EXT2: variants seen among roughly 807,000 people sequenced by gnomAD.
EXT2 encodes the protein exostosin-2.
In EXT2, 53 loss-of-function variants were observed where a neutral mutation model predicts 81.6. The observed-to-expected ratio is 0.65, with a 90% CI of 0.52 to 0.82. The LOEUF (loss-of-function observed/expected upper bound fraction) is 0.82, where lower values mean the gene tolerates loss of function less well. EXT2 is among the 40% of genes least tolerant of loss of function. The pLI, the probability that EXT2 is intolerant of heterozygous loss-of-function variation, is 0.00. For missense variants in EXT2, 774 were observed against 910.2 expected (o/e 0.85, Z 1.93); for synonymous variants, 320 against 340.0 (o/e 0.94, Z 0.65).
In EXT2 at chr11:44,246,907, T is replaced by C. The variant is rs975887610; in HGVS notation, c.*2620T>C. On this transcript the variant is annotated 3_prime_UTR_variant, in exon 14 of 14. Coordinates refer to ENST00000533608, the MANE Select transcript of EXT2 (RefSeq NM_207122.2). Reference sequence around the variant, plus strand: ...GTTCTGGCCTACAGCAGACAACAGCTGGTTTTAGATTAAGAAATCTTTTTA... The same window carrying C: ...GTTCTGGCCTACAGCAGACAACAGCCGGTTTTAGATTAAGAAATCTTTTTA... 2.0e-5 allele frequency among the ~76,000 whole-genome samples: 3 copies of C among 152,228 alleles called. No individual in the cohort carries two copies. The highest frequency in any genetic ancestry group is 7.2e-5 in the African/African-American group (3 of 41,456).
chr11:44,211,281 T>C (rs528869349), intron 10 of EXT2, among the ~76,000 whole-genome samples: 1 of 152,326 alleles, frequency 6.6e-6, no homozygotes, highest in South Asian at 2.1e-4. Flanking sequence ...TGTGGGTATA[T>C]GTCCAAAGGA....
Position 44,236,255 on chromosome 11 carries a change from C to T in EXT2, c.1936-38C>T, listed in dbSNP as rs1375341366. ...ACAAGCATGATTTTATTGTCCTTGA[C>T]ACTGACAGCCAGGTATGTTTTTGTC... On this transcript the variant is annotated intron_variant, in intron 12 of 13. Coordinates refer to ENST00000533608, the MANE Select transcript of EXT2 (RefSeq NM_207122.2). 3 of 1,585,530 alleles carry T rather than the reference C, an allele frequency of 1.9e-6. No homozygotes were observed. In the Admixed American group the frequency reaches 5.0e-5, roughly 26 times the overall value.
In EXT2 at chr11:44,244,997, AACTCC is replaced by A. The variant is rs2135285838; in HGVS notation, c.*711_*715del. On this transcript the variant is annotated 3_prime_UTR_variant, in exon 14 of 14. Transcript: ENST00000533608. Reference sequence around the variant, plus strand: ...ACCACCTTTCTCCCTTGATATATTTAACTCCGTCTTTGGCCTGACAACAGTCTTCT... The same window carrying A: ...ACCACCTTTCTCCCTTGATATATTTAGTCTTTGGCCTGACAACAGTCTTCT... The A allele has an allele frequency of 4.3e-6, 1 of 232,410 alleles. No homozygotes were observed. Among genetic ancestry groups the A allele is most frequent in the East Asian group, 6.1e-5 (1 of 16,446 alleles). 14.4% of individuals were successfully genotyped at this position (232,410 alleles called of 1,614,324 possible).
At chr11:44,217,727 G>A (rs1955736870) in intron 10 of EXT2, among the ~76,000 whole-genome samples, 1 of 152,084 alleles carries the variant, frequency 6.6e-6, no homozygotes, top group Admixed American at 6.5e-5. Context: ...AGATCTGAGA[G>A]CTGGGAAATA....
At chr11:44,188,859 T>A (rs1211071558) in intron 8 of EXT2, among the ~76,000 whole-genome samples, 1 of 152,138 alleles carries the variant, frequency 6.6e-6, no homozygotes, top group Non-Finnish European at 1.5e-5. Context: ...AGGTGGGGAA[T>A]GGAAAGAAGC....
rs768874901 is a variant in EXT2 at position 44,124,918 on chromosome 11, G to C, written c.873G>C (p.Glu291Asp). 1 of 1,614,064 alleles carries C rather than the reference G, an allele frequency of 6.2e-7. No individual in the cohort carries two copies. Among genetic ancestry groups the C allele is most frequent in the Non-Finnish European group, 8.5e-7 (1 of 1,180,018 alleles). Residue 291 changes from glutamate (E) to aspartate (D), a missense_variant, in exon 5 of 14, where the codon GAG becomes GAC. Glu to Asp is a conservative substitution (Grantham distance 45). Around this residue, in one of 2 missense-constraint regions of EXT2, gnomAD observed 626 missense variants for 670.5 expected, o/e 0.93. Coordinates refer to ENST00000533608, the MANE Select transcript of EXT2 (RefSeq NM_207122.2). ...TCGATAAATGCACCAACCTCTCAGAGGGTGTCCTTTCTGTCCGTAAGCGCT... is the reference window on the plus strand; with the variant it reads ...TCGATAAATGCACCAACCTCTCAGACGGTGTCCTTTCTGTCCGTAAGCGCT... ...LVLDKCTNLSEGVLSVRKRCH... is the reference protein window; with the variant it reads ...LVLDKCTNLSDGVLSVRKRCH...
intron 8 of EXT2, among the ~76,000 whole-genome samples, chr11:44,185,445 T>C (rs889009349): frequency 2.0e-5 from 3 of 152,212 alleles, no homozygotes; most frequent in African/African-American, 7.2e-5. Context: ...TCATCTGTTT[T>C]ACCTTCCAAA....
chr11:44,127,042 C>T (rs972134788), intron 6 of EXT2, 87 bp downstream of exon 6: 2 of 1,512,494 alleles, frequency 1.3e-6, no homozygotes, highest in African/African-American at 1.4e-5. Context: ...AATGTATACC[C>T]TGGTTCAAGA....
intron 7 of EXT2, among the ~76,000 whole-genome samples, chr11:44,142,036 G>A (rs922850215): frequency 6.6e-6 from 1 of 151,990 alleles, no homozygotes; most frequent in Admixed American, 6.6e-5. Context: ...TTCAAATAAG[G>A]GTTAAACTGA....
chr11:44,135,414 CAG>C (rs1440319452), intron 7 of EXT2, among the ~76,000 whole-genome samples: 6 of 132,240 alleles, frequency 4.5e-5, no homozygotes, highest in African/African-American at 1.5e-4. Context: ...TTTTTTGAGA[CAG>C]AGGCTCGTTG....
chr11:44,132,755 C>T (rs939020600), intron 7 of EXT2, among the ~76,000 whole-genome samples: 3 of 152,090 alleles, frequency 2.0e-5, no homozygotes, highest in Non-Finnish European at 4.4e-5. Flanking sequence ...TTTCCCGGCC[C>T]CCTTTCTAAC....
chr11:44,107,947 G>C lies in EXT2; in HGVS notation c.235G>C (p.Glu79Gln). ...VRLPADSPIP[E>Q]RGDLSCRMHT... is the part of the protein sequence containing the mutation. ...GCTGCCAGCCGACAGTCCCATCCCA[G>C]AGCGGGGGGATCTCAGTTGCAGAAT... The change falls in exon 2 of 14, where the codon GAG becomes CAG. Residue 79 changes from glutamate to glutamine, a missense_variant. By Grantham distance (29) the Glu-to-Gln change is conservative (BLOSUM62 2). Coordinates refer to ENST00000533608, the MANE Select transcript of EXT2 (RefSeq NM_207122.2). 1.9e-6 allele frequency: 3 copies of C among 1,614,246 alleles called. No homozygotes were observed. The highest frequency in any genetic ancestry group is 2.5e-6 in the Non-Finnish European group (3 of 1,180,044).
At chr11:44,214,413 C>T (rs1292901459) in intron 10 of EXT2, among the ~76,000 whole-genome samples, 1 of 152,146 alleles carries the variant, frequency 6.6e-6, no homozygotes, top group East Asian at 1.9e-4. Context: ...CATGCCCGGC[C>T]GTAACTTTTT....
intron 8 of EXT2, among the ~76,000 whole-genome samples, chr11:44,193,040 G>A (rs540488744): frequency 6.6e-6 from 1 of 152,160 alleles, no homozygotes; most frequent in Non-Finnish European, 1.5e-5. Flanking sequence ...TCTAAATAGT[G>A]GGTGTTCTGG....
chr11:44,139,072 T>G (rs1590585381), intron 7 of EXT2, among the ~76,000 whole-genome samples: 1 of 151,990 alleles, frequency 6.6e-6, no homozygotes, highest in African/African-American at 2.4e-5. Context: ...TGGGTTCTGG[T>G]GTACATTTTA....
intron 1 of EXT2, among the ~76,000 whole-genome samples, chr11:44,105,640 G>A (rs1247575817): frequency 6.6e-6 from 1 of 152,198 alleles, no homozygotes; most frequent in Non-Finnish European, 1.5e-5. Context: ...AAAATAGCTT[G>A]TTGCAGTAAC....
At chr11:44,102,235 A>G (rs1197727771) in intron 1 of EXT2, among the ~76,000 whole-genome samples, 1 of 152,160 alleles carries the variant, frequency 6.6e-6, no homozygotes, top group South Asian at 2.1e-4. Flanking sequence ...GGGCTGTTGA[A>G]TATAGGGTTC....
At chr11:44,167,512 A>G (rs926200975) in intron 7 of EXT2, among the ~76,000 whole-genome samples, 5 of 152,206 alleles carry the variant, frequency 3.3e-5, no homozygotes, top group African/African-American at 4.8e-5. Flanking sequence ...GCCCTGACAT[A>G]GGGCTCTGAC....
chr11:44,194,931 A>G (rs1192100628), intron 8 of EXT2, among the ~76,000 whole-genome samples: 1 of 152,178 alleles, frequency 6.6e-6, no homozygotes, highest in East Asian at 1.9e-4. Context: ...GGGATTAATT[A>G]TGACTTAAAT....
Sources: gnomAD v4.1 joint callset for allele counts (sites outside exome capture counted in the v4.1 genomes callset) on GRCh38, gnomAD v4.1.1 for gene constraint, gnomAD v4.1.1 regional missense constraint, MANE v1.5 for transcripts, NCBI Gene and HGNC (gene_info 2026-07-23, HGNC 2026-07-21) for gene names.